SLC4A5: variants seen among roughly 807,000 people sequenced by gnomAD.
SLC4A5 encodes solute carrier family 4 member 5.
Under a neutral mutation model 120.4 loss-of-function variants are expected in SLC4A5, and 96 were observed. That is an observed-to-expected ratio of 0.80 (90% CI 0.68 to 0.94). SLC4A5 has a LOEUF of 0.94. SLC4A5 is among the 40% of genes least tolerant of loss of function. The pLI, the probability that SLC4A5 is intolerant of heterozygous loss-of-function variation, is 0.00. For synonymous variants in SLC4A5, 550 were observed against 571.1 expected (o/e 0.96, Z 0.53); for missense variants, 1,259 against 1,459.5 (o/e 0.86, Z 2.24).
intron 7 of SLC4A5, among the ~76,000 whole-genome samples, chr2:74,294,286 C>T (rs1430302483): frequency 6.6e-6 from 1 of 152,162 alleles, no homozygotes; most frequent in Admixed American, 6.5e-5. Context: ...CAGAAAGGCC[C>T]CGAGCATTAT....
At chr2:74,238,658 A>G (rs927882428) in intron 21 of SLC4A5, among the ~76,000 whole-genome samples, 2 of 152,242 alleles carry the variant, frequency 1.3e-5, no homozygotes, top group African/African-American at 4.8e-5. Flanking sequence ...ACTATATAAA[A>G]TCACAAAGAA....
intron 25 of SLC4A5, among the ~76,000 whole-genome samples, chr2:74,228,668 C>CA (rs909808388): frequency 9.6e-5 from 14 of 145,484 alleles, no homozygotes; most frequent in African/African-American, 3.0e-4. Context: ...CCCCGCCCCC[C>CA]AAAAAAACCA....
chr2:74,278,297 T>G (rs143233288), intron 8 of SLC4A5, among the ~76,000 whole-genome samples: 1 of 152,112 alleles, frequency 6.6e-6, no homozygotes, highest in African/African-American at 2.4e-5. Context: ...CTCCCATCTC[T>G]CCTCACTTAA....
At chr2:74,293,375 G>A (rs1352239794) in intron 7 of SLC4A5, among the ~76,000 whole-genome samples, 1 of 152,190 alleles carries the variant, frequency 6.6e-6, no homozygotes, top group Non-Finnish European at 1.5e-5. Context: ...CCATAAGGAT[G>A]ACCCTGGGCA....
At chr2:74,296,738 G>C (rs1672341588) in intron 7 of SLC4A5, among the ~76,000 whole-genome samples, 1 of 143,804 alleles carries the variant, frequency 7.0e-6, no homozygotes, top group Admixed American at 7.2e-5. Context: ...AGTGAGCCGA[G>C]ATCGTGCCAC....
At chr2:74,297,500 A>G (rs9309482) in intron 7 of SLC4A5, among the ~76,000 whole-genome samples, 5,847 of 152,260 alleles carry the variant, frequency 0.038, 389 homozygotes, top group African/African-American at 0.13. Context: ...CAGGGTCTAC[A>G]CACCCCAGTT....
chr2:74,231,653 G>A (rs1327480890), intron 24 of SLC4A5, among the ~76,000 whole-genome samples: 1 of 152,216 alleles, frequency 6.6e-6, no homozygotes, highest in African/African-American at 2.4e-5. Context: ...TTGAGCCTCA[G>A]TATATGCAGA....
At chr2:74,252,079 TG>T in intron 16 of SLC4A5, 99 bp downstream of exon 16, 2 of 1,262,760 alleles carry the variant, frequency 1.6e-6, no homozygotes, top group African/African-American at 1.5e-5. Flanking sequence ...TGACCTCGAG[TG>T]GGCACTACAG....
At chr2:74,307,176 A>G in intron 6 of SLC4A5, 1 of 557,684 alleles carries the variant, frequency 1.8e-6, no homozygotes, top group East Asian at 3.9e-5. Flanking sequence ...CATGGTGACC[A>G]CTGTGGTGCT....
Position 74,255,851 on chromosome 2 carries a change from G to A in SLC4A5, c.949C>T (p.Gln317Ter). 6.2e-7 allele frequency: 1 copy of A among 1,614,148 alleles called. No homozygotes were observed. Among genetic ancestry groups the A allele is most frequent in the Non-Finnish European group, 8.5e-7 (1 of 1,180,026 alleles). Reference sequence around the variant, plus strand: ...AGGCGCACGAACGCGATGAATGGCTGGTCTAGGAAGTCCACCTCGCCCACG... The same window carrying A: ...AGGCGCACGAACGCGATGAATGGCTAGTCTAGGAAGTCCACCTCGCCCACG... Residue 317 changes from glutamine (Q) to a stop codon, truncating the protein, a stop_gained, in exon 13 of 31, where the codon CAG (glutamine) becomes TAG (stop). Transcript: ENST00000394019. LOFTEE classifies it high-confidence loss of function. The surrounding 1 kb of genome is among the most constrained non-coding windows in gnomAD (Gnocchi z 4.0).
intron 8 of SLC4A5, among the ~76,000 whole-genome samples, chr2:74,279,393 C>A (rs1671741781): frequency 6.6e-6 from 1 of 152,170 alleles, no homozygotes; most frequent in Non-Finnish European, 1.5e-5. Flanking sequence ...CCCTTGATTT[C>A]CAGGACAAAG....
chr2:74,300,921 T>A (rs1395801408), intron 7 of SLC4A5, among the ~76,000 whole-genome samples: 2 of 152,212 alleles, frequency 1.3e-5, no homozygotes, highest in East Asian at 3.9e-4. Context: ...TCAACTAGAG[T>A]TAAAGCAGGG....
intron 30 of SLC4A5, among the ~76,000 whole-genome samples, chr2:74,220,399 C>G (rs931934062): frequency 4.6e-5 from 7 of 151,234 alleles, no homozygotes; most frequent in African/African-American, 1.7e-4. Context: ...CTGACCTTTG[C>G]TAATTAACCC....
At chr2:74,272,171 CT>C (rs1671494372) in intron 8 of SLC4A5, among the ~76,000 whole-genome samples, 1 of 152,116 alleles carries the variant, frequency 6.6e-6, no homozygotes, top group South Asian at 2.1e-4. Context: ...TCAACCTGAC[CT>C]AGCATGTGTG....
intron 14 of SLC4A5, 118 bp from the exon 15 acceptor site, chr2:74,253,246 C>G: frequency 2.4e-6 from 3 of 1,240,506 alleles, no homozygotes; most frequent in South Asian, 2.7e-5. Flanking sequence ...ACTGCCAACT[C>G]ACTCTCAGTT....
At chr2:74,306,250 C>T (rs1011667601) in intron 6 of SLC4A5, among the ~76,000 whole-genome samples, 4 of 152,190 alleles carry the variant, frequency 2.6e-5, no homozygotes, top group African/African-American at 9.7e-5. Context: ...TTCAAAACCC[C>T]TCCCTGACCA....
At chr2:74,269,671 C>G (rs1671413967) in intron 8 of SLC4A5, among the ~76,000 whole-genome samples, 1 of 152,008 alleles carries the variant, frequency 6.6e-6, no homozygotes, top group Non-Finnish European at 1.5e-5. Context: ...CTCCCAAAGA[C>G]TCTTTTGCTA....
At chr2:74,253,775 A>G (rs182501307) in intron 14 of SLC4A5, among the ~76,000 whole-genome samples, 222 of 152,372 alleles carry the variant, frequency 1.5e-3, no homozygotes, top group Non-Finnish European at 2.4e-3. Context: ...AATGATCAGA[A>G]TCATCTATTT....
At chr2:74,230,306 G>A (rs556854126) in intron 25 of SLC4A5, among the ~76,000 whole-genome samples, 1 of 152,298 alleles carries the variant, frequency 6.6e-6, no homozygotes, top group Non-Finnish European at 1.5e-5. Context: ...AGCCTGGTGG[G>A]AACACCTTGC....
Sources: allele counts gnomAD v4.1 joint callset (sites outside exome capture counted in the v4.1 genomes callset), GRCh38; gene constraint gnomAD v4.1.1; non-coding constraint Gnocchi (gnomAD v3.1); transcripts MANE v1.5; gene names NCBI Gene and HGNC (gene_info 2026-07-23, HGNC 2026-07-21).